CNOT1: variants seen among roughly 807,000 people sequenced by gnomAD.
CNOT1 encodes CCR4-associated factor 1.
Under a neutral mutation model 273.8 loss-of-function variants are expected in CNOT1, and 15 were observed. The observed-to-expected ratio is 0.05, with a 90% CI of 0.04 to 0.08. The LOEUF is 0.08. Among genes scored for constraint, CNOT1 ranks in the 10% least tolerant of loss-of-function variants. The pLI is 1.00. For missense variants in CNOT1, 1,644 were observed against 2,912.2 expected (o/e 0.56, Z 10.02); for synonymous variants, 1,022 against 1,005.5 (o/e 1.02, Z -0.31).
chr16:58,627,430 T>C (rs1224011680), intron 1 of CNOT1, among the ~76,000 whole-genome samples: 1 of 116,660 alleles, frequency 8.6e-6, no homozygotes, highest in African/African-American at 3.6e-5. Flanking sequence ...AAAAAGTTTC[T>C]CATAACCAGA....
intron 12 of CNOT1, among the ~76,000 whole-genome samples, chr16:58,579,410 C>G (rs2041576259): frequency 6.6e-6 from 1 of 152,058 alleles, no homozygotes; most frequent in Non-Finnish European, 1.5e-5. Context: ...ATGTAAATAA[C>G]TACCTATATT....
rs776221882 is a variant in CNOT1 at position 58,586,726 on chromosome 16, C to T, written c.456G>A (p.Lys152=). The part of the protein sequence containing the change: ...RGFAAQFIKQ[K]LPDLLRSYID... Reference sequence around the variant, plus strand: ...TGTAAGAACGCAGAAGATCTGGAAGCTTCTGTTTGATAAACTGGGCAGCTA... The same window carrying T: ...TGTAAGAACGCAGAAGATCTGGAAGTTTCTGTTTGATAAACTGGGCAGCTA... Residue 152 remains lysine (K), a synonymous_variant, in exon 7 of 49, where the codon AAG becomes AAA. Transcript: ENST00000317147. 6.2e-7 allele frequency: 1 copy of T among 1,613,038 alleles called. No individual in the cohort carries two copies. Among genetic ancestry groups the T allele is most frequent in the East Asian group, 2.2e-5 (1 of 44,846 alleles).
At chr16:58,589,412 C>G (rs193107412) in intron 2 of CNOT1, among the ~76,000 whole-genome samples, 1 of 152,070 alleles carries the variant, frequency 6.6e-6, no homozygotes, top group Non-Finnish European at 1.5e-5. Context: ...ACTCGCGAGG[C>G]TGAGGCAGGA....
In CNOT1 at chr16:58,523,450, G is replaced by A. The variant is rs1202037585; in HGVS notation, c.6837C>T (p.Ser2279=). ...TGGTGCAACTGAAGTAGTGAGTGTGGCTATTTGGGTACCGGAGCTGATTTG... is the reference window on the plus strand; with the variant it reads ...TGGTGCAACTGAAGTAGTGAGTGTGACTATTTGGGTACCGGAGCTGATTTG... ...AIANQLRYPN[S]HTHYFSCTML... Residue 2279 remains serine (S), a synonymous_variant, in exon 47 of 49, where the codon AGC becomes AGT. Coordinates refer to ENST00000317147, the MANE Select transcript of CNOT1 (RefSeq NM_016284.5). 6.2e-7 allele frequency: 1 copy of A among 1,613,986 alleles called. No homozygotes were observed. Among genetic ancestry groups the A allele is most frequent in the South Asian group, 1.1e-5 (1 of 91,070 alleles).
rs761732417 is a variant in CNOT1 at position 58,549,710 on chromosome 16, A to T, written c.3522+9T>A. 2.5e-6 allele frequency: 4 copies of T among 1,588,470 alleles called. No homozygotes were observed. Among genetic ancestry groups the T allele is most frequent in the African/African-American group, 1.4e-5 (1 of 73,444 alleles). On this transcript the variant is annotated intron_variant, in intron 25 of 48. Coordinates refer to ENST00000317147, the MANE Select transcript of CNOT1 (RefSeq NM_016284.5). The stretch of plus-strand genomic sequence containing the variant: ...AATAATTAAAGGAAATATAAGAACC[A>T]ACTCTTACTTTAATGTTTCTGTAGG...
At chr16:58,613,002 G>GT (rs2042951597) in intron 1 of CNOT1, among the ~76,000 whole-genome samples, 1 of 152,052 alleles carries the variant, frequency 6.6e-6, no homozygotes, top group Non-Finnish European at 1.5e-5. Flanking sequence ...CTTTCAGATA[G>GT]TAAGTAGCAT....
intron 1 of CNOT1, among the ~76,000 whole-genome samples, chr16:58,610,667 C>A (rs561993529): frequency 7.6e-4 from 115 of 152,130 alleles, no homozygotes; most frequent in South Asian, 2.3e-3. Flanking sequence ...CACAGTGAAA[C>A]CCTGTCTTTA....
Position 58,556,950 on chromosome 16 carries a change from ACCAGTT to A in CNOT1, c.2370_2375del (p.Thr791_Gly792del). The stretch of plus-strand genomic sequence containing the variant: ...TATTCACTGCAGGGAGTCCAAGAGC[ACCAGTT>A]CCTATACCAGTCAGGCTGCCTGTGC... On this transcript the variant is annotated inframe_deletion, in exon 19 of 49. Coordinates refer to ENST00000317147, the MANE Select transcript of CNOT1 (RefSeq NM_016284.5). 1 of 1,614,166 alleles carries A rather than the reference ACCAGTT, an allele frequency of 6.2e-7. No individual in the cohort carries two copies. The highest frequency in any genetic ancestry group is 8.5e-7 in the Non-Finnish European group (1 of 1,180,024).
chr16:58,606,557 C>T (rs991626970), intron 1 of CNOT1, among the ~76,000 whole-genome samples: 7 of 152,168 alleles, frequency 4.6e-5, no homozygotes, highest in Non-Finnish European at 1.0e-4. Context: ...AATCCCAGCA[C>T]TTTAGGAGGC....
intron 33 of CNOT1, 47 bp downstream of exon 33, chr16:58,542,184 A>G: frequency 6.2e-7 from 1 of 1,601,858 alleles, no homozygotes; most frequent in Non-Finnish European, 8.5e-7. Context: ...ACAACATTAA[A>G]AATAAAACAA....
intron 1 of CNOT1, among the ~76,000 whole-genome samples, chr16:58,607,274 G>C (rs1380900318): frequency 6.6e-6 from 1 of 152,170 alleles, no homozygotes; most frequent in Non-Finnish European, 1.5e-5. Flanking sequence ...AAGATGGCTG[G>C]CCAGGACTAG....
At chr16:58,601,273 T>C (rs749475645) in intron 1 of CNOT1, among the ~76,000 whole-genome samples, 16 of 152,310 alleles carry the variant, frequency 1.1e-4, no homozygotes, top group Non-Finnish European at 1.0e-4. Context: ...AGTTTTTGTA[T>C]TTTTAGTAGA....
chr16:58,573,960 C>G (rs879435364), intron 16 of CNOT1, among the ~76,000 whole-genome samples: 1 of 151,906 alleles, frequency 6.6e-6, no homozygotes, highest in Admixed American at 6.6e-5. Flanking sequence ...AATTAAGAAA[C>G]CAAAAATAGC....
chr16:58,541,769 A>C, intron 33 of CNOT1, 149 bp from the exon 34 acceptor site: 1 of 696,348 alleles, frequency 1.4e-6, no homozygotes, highest in Non-Finnish European at 2.4e-6. Flanking sequence ...CGCACACACA[A>C]ATGCAGTTCA....
At chr16:58,577,983 T>C (rs1476895022) in intron 13 of CNOT1, among the ~76,000 whole-genome samples, 1 of 152,212 alleles carries the variant, frequency 6.6e-6, no homozygotes, top group African/African-American at 2.4e-5. Flanking sequence ...AAATAAAATG[T>C]AAATGTTGGA....
intron 46 of CNOT1, 44 bp from the exon 47 acceptor site, chr16:58,523,546 C>G: frequency 6.2e-7 from 1 of 1,600,144 alleles, no homozygotes; most frequent in Non-Finnish European, 8.5e-7. Flanking sequence ...TCTGAAAGGC[C>G]AACATGGGAA....
chr16:58,527,044 TAAAC>T (rs148320938), intron 44 of CNOT1, among the ~76,000 whole-genome samples: 2,965 of 152,116 alleles, frequency 0.019, 83 homozygotes, highest in African/African-American at 0.067. Flanking sequence ...CCCTGTCTCT[TAAAC>T]AAACTATAGT....
At position 58,555,288 on chromosome 16, in the gene CNOT1, A is replaced by G; in HGVS notation, c.2854T>C (p.Tyr952His). ...CTATCTAGTGCAGCAATCCCGAAAT[A>G]ATACATTTTGGATCCAAAAGGCTTG... The part of the protein sequence containing the change: ...LRKPFGSKMY[Y>H]FGIAALDRFK... Residue 952 changes from tyrosine (Y) to histidine (H), a missense_variant, in exon 21 of 49, where the codon TAT becomes CAT. Tyr to His is a moderately conservative substitution (Grantham distance 83, BLOSUM62 2). Coordinates refer to ENST00000317147, the MANE Select transcript of CNOT1 (RefSeq NM_016284.5). 6.2e-7 allele frequency: 1 copy of G among 1,614,144 alleles called. No homozygotes were observed. Among genetic ancestry groups the G allele is most frequent in the Non-Finnish European group, 8.5e-7 (1 of 1,180,022 alleles).
At position 58,560,314 on chromosome 16, in the gene CNOT1, A is replaced by G. The variant is rs759473249; in HGVS notation, c.2028T>C (p.Asn676=). The G allele has an allele frequency of 6.8e-6, 11 of 1,614,064 alleles. No homozygotes were observed. Among genetic ancestry groups the G allele is most frequent in the Admixed American group, 5.0e-5 (3 of 60,004 alleles). The change falls in exon 17 of 49, where the codon AAT becomes AAC. Residue 676 remains asparagine (N), a synonymous_variant. Coordinates refer to ENST00000317147, the MANE Select transcript of CNOT1 (RefSeq NM_016284.5). ...TGGCCTTATTCATAACATTACTGCA[A>G]TTGGCTACCATGGTGAGGATAGTTT... ...LSETILTMVA[N]CSNVMNKARQ...
Sources: allele counts gnomAD v4.1 joint callset (sites outside exome capture counted in the v4.1 genomes callset), GRCh38; gene constraint gnomAD v4.1.1; transcripts MANE v1.5; gene names NCBI Gene and HGNC (gene_info 2026-07-23, HGNC 2026-07-21).